EEA1: variants seen among roughly 807,000 people sequenced by gnomAD.
EEA1 encodes the protein early endosome antigen 1, 162kD.
A neutral mutation model predicts 209.2 loss-of-function variants in EEA1; 111 were observed. The ratio of observed to expected loss-of-function variants is 0.53; its 90% confidence interval spans 0.45 to 0.62. The LOEUF is 0.62. Among genes scored for constraint, EEA1 ranks in the 20% least tolerant of loss-of-function variants. EEA1 has a pLI of 0.00. For synonymous variants in EEA1, 536 were observed against 540.6 expected, an observed-to-expected ratio of 0.99 and a Z score of 0.12; for missense variants, 1,343 against 1,530.8, an observed-to-expected ratio of 0.88 and a Z score of 2.05.
At chr12:92,894,897 TAGAGA>T (rs2136758083) in intron 1 of EEA1, among the ~76,000 whole-genome samples, 1 of 152,278 alleles carries the variant, frequency 6.6e-6, no homozygotes, top group Admixed American at 6.5e-5. Flanking sequence ...CTACTATAGC[TAGAGA>T]AGAGAAATCA....
chr12:92,822,146 T>G (rs1876085233), intron 13 of EEA1, among the ~76,000 whole-genome samples: 1 of 152,010 alleles, frequency 6.6e-6, no homozygotes, highest in Admixed American at 6.6e-5. Context: ...TCGTAGCTTC[T>G]TAACAATACC....
At chr12:92,890,265 A>G (rs1213145575) in intron 2 of EEA1, among the ~76,000 whole-genome samples, 1 of 152,188 alleles carries the variant, frequency 6.6e-6, no homozygotes, top group Non-Finnish European at 1.5e-5. Flanking sequence ...GTGAAGTAGC[A>G]GGAGGGAGAG....
intron 10 of EEA1, among the ~76,000 whole-genome samples, chr12:92,839,892 T>C (rs545330990): frequency 6.6e-6 from 1 of 152,210 alleles, no homozygotes; most frequent in South Asian, 2.1e-4. Context: ...CCTAAAACAA[T>C]ATCTATTATA....
At chr12:92,846,816 T>C (rs1877403291) in intron 9 of EEA1, among the ~76,000 whole-genome samples, 1 of 152,218 alleles carries the variant, frequency 6.6e-6, no homozygotes. Context: ...TAGTTAATAA[T>C]GTACACCAGA....
At chr12:92,862,377 C>T (rs1466816168) in intron 3 of EEA1, among the ~76,000 whole-genome samples, 2 of 152,006 alleles carry the variant, frequency 1.3e-5, no homozygotes, top group African/African-American at 4.8e-5. Flanking sequence ...GGGAGAATTC[C>T]TTGAGGACTT....
At position 92,820,514 on chromosome 12, in the gene EEA1, T is replaced by G. The variant is rs143044816; in HGVS notation, c.1525-1003A>C. ...CTCCTCTCTCTACATTCCACTAATC[T>G]GGAATCAGAATTCCAGGCCTAAGCT... On this transcript the variant is annotated intron_variant, in intron 13 of 28. Transcript: ENST00000322349. 2.3e-3 allele frequency among the ~76,000 whole-genome samples: 345 copies of G among 152,168 alleles called. 2 individuals carry two copies. The highest frequency in any genetic ancestry group is 7.7e-3 in the African/African-American group (318 of 41,502).
At chr12:92,842,280 T>C (rs575035426) in intron 10 of EEA1, among the ~76,000 whole-genome samples, 185 bp downstream of exon 10, 1 of 151,996 alleles carries the variant, frequency 6.6e-6, no homozygotes, top group Non-Finnish European at 1.5e-5. Context: ...AGTTATAGAA[T>C]TTCAACTTTG....
intron 2 of EEA1, among the ~76,000 whole-genome samples, chr12:92,865,575 T>G (rs1007509903): frequency 1.4e-4 from 22 of 151,958 alleles, no homozygotes; most frequent in African/African-American, 5.3e-4. Flanking sequence ...ACATAACTAA[T>G]CTCAAAATTA....
intron 10 of EEA1, among the ~76,000 whole-genome samples, chr12:92,834,347 C>T (rs1402513759): frequency 1.3e-5 from 2 of 151,768 alleles, no homozygotes; most frequent in African/African-American, 2.4e-5. Context: ...AGTTAAAGAC[C>T]AGCCTGGGCA....
intron 9 of EEA1, 55 bp downstream of exon 9, chr12:92,851,056 G>C: frequency 6.4e-7 from 1 of 1,555,704 alleles, no homozygotes; most frequent in Non-Finnish European, 8.7e-7. Flanking sequence ...TCACTCAATA[G>C]TATACACTAC....
intron 24 of EEA1, among the ~76,000 whole-genome samples, chr12:92,779,820 T>C (rs1873826917): frequency 6.6e-6 from 1 of 152,042 alleles, no homozygotes; most frequent in Non-Finnish European, 1.5e-5. Context: ...ACAAAGCAAA[T>C]AATAGACAAT....
chr12:92,924,201 CTTTTT>C (rs754907902), intron 1 of EEA1, among the ~76,000 whole-genome samples: 1 of 94,534 alleles, frequency 1.1e-5, no homozygotes, highest in Admixed American at 1.1e-4. Flanking sequence ...ACATTTAAGA[CTTTTT>C]TTTTTTTTTT....
In EEA1 at chr12:92,813,076, T is replaced by C. The variant is rs746128394; in HGVS notation, c.1947A>G (p.Glu649=). ...TTGCTGCTTCTGCTGATAGTAATAG[T>C]TCGGTTTTGGCTTTAATCTGTAACA... ...QLDIQIKAKT[E]LLLSAEAAKT... is the part of the protein sequence containing the mutation. The change falls in exon 16 of 29, where the codon GAA becomes GAG. Residue 649 remains glutamate, a synonymous_variant. Coordinates refer to ENST00000322349, the MANE Select transcript of EEA1 (RefSeq NM_003566.4). 6.3e-7 allele frequency: 1 copy of C among 1,590,016 alleles called. No homozygotes were observed. Among genetic ancestry groups the C allele is most frequent in the South Asian group, 1.1e-5 (1 of 87,556 alleles).
intron 16 of EEA1, 24 bp from the exon 17 acceptor site, chr12:92,811,458 A>C: frequency 1.3e-6 from 2 of 1,498,218 alleles, no homozygotes; most frequent in Non-Finnish European, 1.8e-6. Context: ...CAATTGAAGA[A>C]AACTTTGGTA....
chr12:92,831,939 T>C (rs1286629591), intron 11 of EEA1, among the ~76,000 whole-genome samples: 2 of 150,084 alleles, frequency 1.3e-5, no homozygotes, highest in African/African-American at 4.9e-5. Context: ...CAAAAAAAAT[T>C]AGCCGGGCGC....
rs545736304 is a variant in EEA1 at position 92,786,914 on chromosome 12, G to C, written c.3150+953C>G. Among the ~76,000 whole-genome samples the C allele has an allele frequency of 3.5e-4, 53 of 152,266 alleles. 1 individual carries two copies. The highest frequency in any genetic ancestry group is 3.3e-3 in the Admixed American group (51 of 15,282). On this transcript the variant is annotated intron_variant, in intron 22 of 28. Coordinates refer to ENST00000322349, the MANE Select transcript of EEA1 (RefSeq NM_003566.4). The stretch of plus-strand genomic sequence containing the variant: ...CAAACATAAACTAGTACGCCAGCAA[G>C]GCAATTATGTTAACTGTCTGCTTGC...
At chr12:92,805,779 T>C (rs762348468) in intron 18 of EEA1, among the ~76,000 whole-genome samples, 12 of 152,196 alleles carry the variant, frequency 7.9e-5, no homozygotes, top group Non-Finnish European at 1.8e-4. Context: ...TATGGCTATA[T>C]ATGTTCAGAA....
At chr12:92,842,366 C>A in intron 10 of EEA1, 99 bp downstream of exon 10, 3 of 596,436 alleles carry the variant, frequency 5.0e-6, no homozygotes, top group African/African-American at 2.0e-5. Flanking sequence ...AAAAATAAGT[C>A]ACATTGTACT....
intron 9 of EEA1, among the ~76,000 whole-genome samples, chr12:92,849,636 T>A (rs1265873056): frequency 6.6e-6 from 1 of 152,218 alleles, no homozygotes; most frequent in Non-Finnish European, 1.5e-5. Flanking sequence ...GTGTTAGGCA[T>A]CATAAGGCCT....
Sources: gnomAD v4.1 joint callset for allele counts (sites outside exome capture counted in the v4.1 genomes callset) on GRCh38, gnomAD v4.1.1 for gene constraint, MANE v1.5 for transcripts, NCBI Gene and HGNC (gene_info 2026-07-23, HGNC 2026-07-21) for gene names.